Variants in CAST observed in about 807,000 individuals in gnomAD.
CAST encodes calpastatin.
CAST carries 76 observed loss-of-function variants against 119.6 expected under a neutral mutation model. The observed-to-expected ratio is 0.64, with a 90% confidence interval of 0.53 to 0.77. CAST has a LOEUF of 0.77. CAST is among the 30% of genes least tolerant of loss of function. The pLI, the probability that CAST is intolerant of heterozygous loss-of-function variation, is 0.00. For missense variants in CAST, 953 were observed against 946.5 expected, an observed-to-expected ratio of 1.01 and a Z score of -0.09; for synonymous variants, 319 against 331.6, an observed-to-expected ratio of 0.96 and a Z score of 0.41.
the CAST span, among the ~76,000 whole-genome samples, chr5:96,330,684 T>G: frequency 1.8e-4 from 28 of 152,220 alleles, no homozygotes; most frequent in African/African-American, 6.3e-4. Flanking sequence ...TTCCCTTTAG[T>G]CAAAGCTAAT....
intron 1 of CAST, among the ~76,000 whole-genome samples, chr5:96,572,827 T>C (rs1350143636): frequency 6.6e-6 from 1 of 152,162 alleles, no homozygotes; most frequent in Non-Finnish European, 1.5e-5. Flanking sequence ...CTATCAGAGC[T>C]GAGGGAGCTA....
chr5:96,407,297 T>A, the CAST span, among the ~76,000 whole-genome samples: 1 of 152,024 alleles, frequency 6.6e-6, no homozygotes, highest in African/African-American at 2.4e-5. Context: ...AAAACAAAAC[T>A]AAGGCCATAA....
intron 1 of CAST, among the ~76,000 whole-genome samples, chr5:96,560,875 A>T (rs1746344513): frequency 6.6e-6 from 1 of 152,136 alleles, no homozygotes. Context: ...GGATTATAAA[A>T]CATGCTGCTA....
chr5:96,639,304 G>C (rs937724217), intron 1 of CAST, among the ~76,000 whole-genome samples: 1 of 152,178 alleles, frequency 6.6e-6, no homozygotes, highest in Admixed American at 6.5e-5. Flanking sequence ...GAGTGCTGTA[G>C]GATTCCAAGA....
the CAST span, among the ~76,000 whole-genome samples, chr5:96,421,156 C>T: frequency 2.0e-5 from 3 of 152,190 alleles, no homozygotes; most frequent in African/African-American, 7.2e-5. Flanking sequence ...AGTTGAAAGT[C>T]TCTTGCCTCT....
At chr5:96,408,455 C>G in the CAST span, 3 of 704,710 alleles carry the variant, frequency 4.3e-6, no homozygotes, top group Admixed American at 4.0e-5. Context: ...TGCCTACTTT[C>G]TCCTCTAAAC....
chr5:96,512,414 TA>T, the CAST span, among the ~76,000 whole-genome samples: 1 of 152,330 alleles, frequency 6.6e-6, no homozygotes, highest in East Asian at 1.9e-4. Context: ...AACATGGCTC[TA>T]AGACATAAGT....
At chr5:96,426,841 G>A in the CAST span, among the ~76,000 whole-genome samples, 1 of 151,866 alleles carries the variant, frequency 6.6e-6, no homozygotes, top group Non-Finnish European at 1.5e-5. Flanking sequence ...TGCAACTGAA[G>A]GATAAAACCA....
At chr5:96,156,349 G>T in the CAST span, among the ~76,000 whole-genome samples, 1 of 152,162 alleles carries the variant, frequency 6.6e-6, no homozygotes, top group Non-Finnish European at 1.5e-5. Context: ...TGACTGATTG[G>T]AATGTATCTG....
chr5:96,096,566 A>G, the CAST span, among the ~76,000 whole-genome samples: 1 of 152,156 alleles, frequency 6.6e-6, no homozygotes, highest in Admixed American at 6.5e-5. Context: ...CTTAGTCACT[A>G]CCCAAACCTC....
chr5:96,163,071 T>C, the CAST span, among the ~76,000 whole-genome samples: 1 of 152,178 alleles, frequency 6.6e-6, no homozygotes, highest in South Asian at 2.1e-4. Context: ...CATCTTTCCT[T>C]TTTATAGGTT....
At chr5:96,583,142 A>T (rs1389328602) in intron 1 of CAST, among the ~76,000 whole-genome samples, 1 of 152,082 alleles carries the variant, frequency 6.6e-6, no homozygotes, top group Non-Finnish European at 1.5e-5. Flanking sequence ...CACCTTAAAA[A>T]AGTCTTTATT....
chr5:96,447,395 T>C, the CAST span, among the ~76,000 whole-genome samples: 1 of 152,158 alleles, frequency 6.6e-6, no homozygotes, highest in African/African-American at 2.4e-5. Context: ...TAGCAGCTGA[T>C]GCCAGCAGAA....
At chr5:96,466,074 T>C in the CAST span, among the ~76,000 whole-genome samples, 1 of 152,246 alleles carries the variant, frequency 6.6e-6, no homozygotes, top group East Asian at 1.9e-4. Context: ...ACTTACTTGT[T>C]TTCTCAGTCA....
At chr5:95,963,980 C>A in the CAST span, among the ~76,000 whole-genome samples, 1 of 152,094 alleles carries the variant, frequency 6.6e-6, no homozygotes, top group South Asian at 2.1e-4. Context: ...AAATATCTGA[C>A]CTGTAGCTTC....
chr5:96,283,548 G>GTTTGAACC, the CAST span, among the ~76,000 whole-genome samples: 1 of 152,196 alleles, frequency 6.6e-6, no homozygotes, highest in African/African-American at 2.4e-5. Context: ...TCATTCTGCT[G>GTTTGAACC]TTTGAACCTG....
chr5:96,675,690 G>C, intron 2 of CAST, 89 bp downstream of exon 2: 1 of 929,606 alleles, frequency 1.1e-6, no homozygotes, highest in Non-Finnish European at 1.7e-6. Flanking sequence ...GTAGCAAAGA[G>C]CTTCTACCTT....
the CAST span, among the ~76,000 whole-genome samples, chr5:95,974,274 G>A: frequency 4.6e-5 from 7 of 152,118 alleles, no homozygotes; most frequent in Admixed American, 2.0e-4. Flanking sequence ...GACAAGTGAC[G>A]CTAATAGACC....
At chr5:96,046,858 A>C in the CAST span, among the ~76,000 whole-genome samples, 1 of 152,182 alleles carries the variant, frequency 6.6e-6, no homozygotes, top group Non-Finnish European at 1.5e-5. Flanking sequence ...AGGAAGAAGC[A>C]AAAGTGGAAA....
Sources: allele counts gnomAD v4.1 joint callset (sites outside exome capture counted in the v4.1 genomes callset), GRCh38; gene constraint gnomAD v4.1.1; transcripts MANE v1.5; gene names NCBI Gene and HGNC (gene_info 2026-07-23, HGNC 2026-07-21).